MYO1B: variants seen among roughly 807,000 people sequenced by gnomAD.
MYO1B encodes unconventional myosin-Ib.
A neutral mutation model predicts 159.7 loss-of-function variants in MYO1B; 72 were observed. That is an observed-to-expected ratio of 0.45 (90% CI 0.37 to 0.55). MYO1B has a LOEUF of 0.55. Ranked by LOEUF, MYO1B falls within the 20% of genes least tolerant of loss-of-function variation. The pLI is 0.00. For synonymous variants in MYO1B, 468 were observed against 473.8 expected, an observed-to-expected ratio of 0.99 and a Z score of 0.16; for missense variants, 1,062 against 1,364.8, an observed-to-expected ratio of 0.78 and a Z score of 3.50.
At chr2:191,344,829 C>CAAAAAA (rs10646926) in intron 5 of MYO1B, among the ~76,000 whole-genome samples, 6 of 56,122 alleles carry the variant, frequency 1.1e-4, no homozygotes, top group East Asian at 6.2e-4. Context: ...GACTCCGTCT[C>CAAAAAA]AAAAAAAAAA....
intron 20 of MYO1B, among the ~76,000 whole-genome samples, 183 bp downstream of exon 20, chr2:191,393,405 ATT>A (rs2126108182): frequency 6.6e-6 from 1 of 152,296 alleles, no homozygotes; most frequent in East Asian, 1.9e-4. Context: ...CTGTTAAGTA[ATT>A]TGCCCACAGC....
At chr2:191,249,212 G>T (rs1020937516) in intron 1 of MYO1B, among the ~76,000 whole-genome samples, 1 of 152,284 alleles carries the variant, frequency 6.6e-6, no homozygotes, top group South Asian at 2.1e-4. Context: ...CGATGCCAGA[G>T]TGTCTTTTTA....
Position 191,296,174 on chromosome 2 carries a change from G to T in MYO1B, c.199G>T (p.Glu67Ter). The change falls in exon 3 of 31, where the codon GAG becomes TAG. Residue 67 changes from glutamate to a stop codon, truncating the protein, a stop_gained. Transcript: ENST00000392318. LOFTEE classifies it high-confidence loss of function. ...CCGGTCTTTACCCATTTATTCACCA[G>T]AGAAAGTGGAAGAATACAGGAACAG... ...PYRSLPIYSP[E>*]KVEEYRNRNF... 1 of 1,610,438 alleles carries T rather than the reference G, an allele frequency of 6.2e-7. No homozygotes were observed. Among genetic ancestry groups the T allele is most frequent in the South Asian group, 1.1e-5 (1 of 90,786 alleles).
chr2:191,249,825 A>G (rs547053372), intron 1 of MYO1B, among the ~76,000 whole-genome samples: 4 of 152,344 alleles, frequency 2.6e-5, no homozygotes, highest in Non-Finnish European at 5.9e-5. Context: ...TCCTCAGGCT[A>G]TGAAATTCTC....
intron 2 of MYO1B, among the ~76,000 whole-genome samples, chr2:191,293,560 C>A (rs1688806299): frequency 6.6e-6 from 1 of 152,148 alleles, no homozygotes; most frequent in South Asian, 2.1e-4. Flanking sequence ...ATTATTCATG[C>A]CTCCCCTTTT....
chr2:191,296,815 G>A (rs949974365), intron 3 of MYO1B, among the ~76,000 whole-genome samples: 6 of 152,084 alleles, frequency 3.9e-5, no homozygotes, highest in Admixed American at 1.3e-4. Context: ...AGAGTTCTTC[G>A]TTGACGTGCT....
chr2:191,416,281 C>G (rs763933228), intron 30 of MYO1B, 39 bp downstream of exon 30: 16 of 1,612,426 alleles, frequency 9.9e-6, no homozygotes, highest in African/African-American at 1.3e-5. Context: ...TTTTCTCTTT[C>G]AGCTTTTTTG....
At chr2:191,325,769 T>C (rs767997355) in intron 3 of MYO1B, among the ~76,000 whole-genome samples, 5 of 151,706 alleles carry the variant, frequency 3.3e-5, no homozygotes, top group Non-Finnish European at 5.9e-5. Flanking sequence ...TGAACAGAAA[T>C]AAGATGGGAG....
At chr2:191,261,152 G>A (rs1414548185) in intron 1 of MYO1B, among the ~76,000 whole-genome samples, 3 of 152,186 alleles carry the variant, frequency 2.0e-5, no homozygotes. Flanking sequence ...TTTCCCACCA[G>A]TTGAGAAGAA....
At chr2:191,295,931 T>G (rs969754683) in intron 2 of MYO1B, among the ~76,000 whole-genome samples, 180 bp from the exon 3 acceptor site, 8 of 152,178 alleles carry the variant, frequency 5.3e-5, no homozygotes, top group Non-Finnish European at 1.0e-4. Flanking sequence ...ACAAACTAAA[T>G]AGACATTGTT....
At chr2:191,278,749 C>T (rs570173043) in intron 2 of MYO1B, among the ~76,000 whole-genome samples, 55 of 152,360 alleles carry the variant, frequency 3.6e-4, no homozygotes, top group East Asian at 1.5e-3. Flanking sequence ...TCCCTCCAAG[C>T]GTAGCAGTTC....
chr2:191,402,802 G>C, intron 24 of MYO1B, 84 bp downstream of exon 24: 2 of 1,052,200 alleles, frequency 1.9e-6, no homozygotes, highest in Non-Finnish European at 1.4e-6. Flanking sequence ...GATTGATTAT[G>C]CTTGCTGATG....
At chr2:191,366,880 A>G (rs957835139) in intron 11 of MYO1B, among the ~76,000 whole-genome samples, 2 of 151,166 alleles carry the variant, frequency 1.3e-5, no homozygotes, top group African/African-American at 4.9e-5. Context: ...TTTTTTTTGC[A>G]GTTTGGCACC....
At chr2:191,320,655 A>C (rs1690649714) in intron 3 of MYO1B, among the ~76,000 whole-genome samples, 1 of 152,084 alleles carries the variant, frequency 6.6e-6, no homozygotes, top group Non-Finnish European at 1.5e-5. Flanking sequence ...GATGACCTTG[A>C]TTCTGTAAGG....
intron 3 of MYO1B, among the ~76,000 whole-genome samples, chr2:191,296,863 T>C (rs1559148311): frequency 2.6e-5 from 4 of 152,206 alleles, no homozygotes; most frequent in African/African-American, 7.2e-5. Context: ...TTTATACCAC[T>C]ACAATTTTGT....
rs767995674 is a variant in MYO1B at position 191,425,311 on chromosome 2, T to A, written c.*1351T>A. On this transcript the variant is annotated 3_prime_UTR_variant, in exon 31 of 31. Coordinates refer to ENST00000392318, the MANE Select transcript of MYO1B (RefSeq NM_001130158.3). ...CTTATCTTTTATAAACCAGAAACATTAATTGAAAATATTTTCTGGGGATTT... is the reference window on the plus strand; with the variant it reads ...CTTATCTTTTATAAACCAGAAACATAAATTGAAAATATTTTCTGGGGATTT... 9 of 152,204 alleles carry A rather than the reference T, an allele frequency of 5.9e-5. No individual in the cohort carries two copies. The highest frequency in any genetic ancestry group is 8.8e-5 in the Non-Finnish European group (6 of 68,024). The allele number at this position is 152,204 out of a possible 1,614,324, so 9.4% of individuals were successfully genotyped here.
chr2:191,293,545 A>G (rs1688805439), intron 2 of MYO1B, among the ~76,000 whole-genome samples: 1 of 152,148 alleles, frequency 6.6e-6, no homozygotes, highest in African/African-American at 2.4e-5. Context: ...CTCAATAAGG[A>G]GTGGATTATT....
Position 191,360,722 on chromosome 2 carries a change from G to A in MYO1B, c.654G>A (p.Glu218=). The part of the protein sequence containing the change: ...FYQLLSGASE[E]LLNKLKLERD... ...AGCTGCTCTCTGGTGCCTCTGAAGA[G>A]CTCCTCAGTAAGTCTCTGTTTCTAT... Residue 218 remains glutamate (E), a synonymous_variant, in exon 8 of 31, where the codon GAG becomes GAA. Coordinates refer to ENST00000392318, the MANE Select transcript of MYO1B (RefSeq NM_001130158.3). 1.9e-6 allele frequency: 3 copies of A among 1,606,206 alleles called. No individual in the cohort carries two copies. The highest frequency in any genetic ancestry group is 1.1e-5 in the South Asian group (1 of 90,682).
intron 3 of MYO1B, among the ~76,000 whole-genome samples, chr2:191,316,320 A>G (rs1427147201): frequency 6.6e-6 from 1 of 152,220 alleles, no homozygotes. Flanking sequence ...TCATCTCTAC[A>G]GAGATTTCTA....
Sources: allele counts gnomAD v4.1 joint callset (sites outside exome capture counted in the v4.1 genomes callset), GRCh38; gene constraint gnomAD v4.1.1; transcripts MANE v1.5; gene names NCBI Gene and HGNC (gene_info 2026-07-23, HGNC 2026-07-21).